Variants in ELOA observed in about 807,000 individuals in gnomAD.
ELOA encodes elongin-A.
A neutral mutation model predicts 85.2 loss-of-function variants in ELOA; 15 were observed. That is an observed-to-expected ratio of 0.18 (90% CI 0.12 to 0.27). The LOEUF (loss-of-function observed/expected upper bound fraction) is 0.27. Ranked by LOEUF, ELOA falls within the 10% of genes least tolerant of loss-of-function variation. The probability of loss-of-function intolerance (pLI) is 1.00; values close to 1 mark genes in which losing one functional copy is unlikely to be tolerated. For missense variants in ELOA, 769 were observed against 952.7 expected (o/e 0.81, Z 2.54); for synonymous variants, 348 against 357.2 (o/e 0.97, Z 0.29).
rs776554560 is a variant in ELOA at position 23,749,932 on chromosome 1, C to T, written c.223C>T (p.Leu75=). Reference sequence around the variant, plus strand: ...GGACCTAGTGGCCCAGTGGAAGAAGCTGGTTCCTGTGGAACGGTAAGAACA... The same window carrying T: ...GGACCTAGTGGCCCAGTGGAAGAAGTTGGTTCCTGTGGAACGGTAAGAACA... ...ARDLVAQWKK[L]VPVERNAEPD... The change falls in exon 3 of 11, where the codon CTG becomes TTG. Residue 75 remains leucine, a synonymous_variant. Coordinates refer to ENST00000613537, the MANE Select transcript of ELOA (RefSeq NM_003198.3). 9 of 1,613,590 alleles carry T rather than the reference C, an allele frequency of 5.6e-6. No individual in the cohort carries two copies. Among genetic ancestry groups the T allele is most frequent in the Non-Finnish European group, 7.6e-6 (9 of 1,179,676 alleles).
intron 1 of ELOA, 138 bp from the exon 2 acceptor site, chr1:23,748,883 T>C: frequency 4.9e-6 from 3 of 615,788 alleles, no homozygotes; most frequent in Non-Finnish European, 8.3e-6. Flanking sequence ...ACTTGTAAAA[T>C]AGGGATATTA....
In ELOA at chr1:23,749,823, T is replaced by C. The variant is rs917640010; in HGVS notation, c.133-19T>C. The C allele has an allele frequency of 5.6e-6, 9 of 1,611,746 alleles. No individual in the cohort carries two copies. Among genetic ancestry groups the C allele is most frequent in the Admixed American group, 3.3e-5 (2 of 59,836 alleles). On this transcript the variant is annotated intron_variant, in intron 2 of 10. Coordinates refer to ENST00000613537, the MANE Select transcript of ELOA (RefSeq NM_003198.3). Reference sequence around the variant, plus strand: ...GCCTAGTTCCAGACCCCTCTAACAATTACTTTGTCAAATTTTAGGAGACTG... The same window carrying C: ...GCCTAGTTCCAGACCCCTCTAACAACTACTTTGTCAAATTTTAGGAGACTG...
At chr1:23,745,486 A>T (rs1413299594) in intron 1 of ELOA, among the ~76,000 whole-genome samples, 1 of 151,042 alleles carries the variant, frequency 6.6e-6, no homozygotes, top group African/African-American at 2.4e-5. Context: ...GGCTTATTCC[A>T]CCTCAACCTA....
intron 3 of ELOA, 42 bp downstream of exon 3, chr1:23,749,990 A>G: frequency 1.3e-6 from 2 of 1,501,616 alleles, no homozygotes; most frequent in South Asian, 1.3e-5. Flanking sequence ...TTCATGGTTA[A>G]ATTTACAGAT....
Position 23,751,029 on chromosome 1 carries a change from C to G in ELOA, c.424C>G (p.Pro142Ala), listed in dbSNP as rs1339874604. The G allele has an allele frequency of 6.2e-7, 1 of 1,613,940 alleles. No homozygotes were observed. Among genetic ancestry groups the G allele is most frequent in the Non-Finnish European group, 8.5e-7 (1 of 1,180,022 alleles). Residue 142 changes from proline (P) to alanine (A), a missense_variant, in exon 4 of 11, where the codon CCT becomes GCT. Transcript: ENST00000613537. ...TAGGAAACTCTCGGAGCTCGAGAGA[C>G]CTCACAAAGTGTCTCACGGTCATGA... ...KHRKLSELER[P>A]HKVSHGHERR...
At chr1:23,750,786 CTT>C in intron 3 of ELOA, 57 bp from the exon 4 acceptor site, 1 of 1,459,648 alleles carries the variant, frequency 6.9e-7, no homozygotes, top group East Asian at 2.4e-5. Context: ...GATTCTGTGA[CTT>C]TGTCCCTCAA....
chr1:23,752,934 ACT>A (rs1255535671), intron 5 of ELOA, among the ~76,000 whole-genome samples: 2 of 151,364 alleles, frequency 1.3e-5, no homozygotes, highest in Non-Finnish European at 2.9e-5. Flanking sequence ...CAAGAGGGAA[ACT>A]CTATTTCAAA....
At position 23,760,202 on chromosome 1, in the gene ELOA, T is replaced by C. The variant is rs1638272590; in HGVS notation, c.*629T>C. ...CCTCCCCACTGTTGCTGTGCATTCC[T>C]GTGCAGGTGCATCTCTTTCTTACTA... On this transcript the variant is annotated 3_prime_UTR_variant, in exon 11 of 11. Coordinates refer to ENST00000613537, the MANE Select transcript of ELOA (RefSeq NM_003198.3). 6.6e-6 allele frequency: 1 copy of C among 152,346 alleles called. No individual in the cohort carries two copies. Among genetic ancestry groups the C allele is most frequent in the African/African-American group, 2.4e-5 (1 of 41,448 alleles). The allele number at this position is 152,346 out of a possible 1,614,324, so 9.4% of individuals were successfully genotyped here.
chr1:23,746,548 A>C (rs1193143630), intron 1 of ELOA, among the ~76,000 whole-genome samples: 3 of 144,920 alleles, frequency 2.1e-5, no homozygotes, highest in Non-Finnish European at 3.0e-5. Flanking sequence ...CGGAGGTTGC[A>C]GTGAGCCGAG....
chr1:23,749,775 C>A, intron 2 of ELOA, 67 bp from the exon 3 acceptor site: 1 of 1,397,582 alleles, frequency 7.2e-7, no homozygotes, highest in South Asian at 1.3e-5. Context: ...AGTAGAAAGC[C>A]TTATTTCTTT....
chr1:23,748,112 C>G (rs1162606002), intron 1 of ELOA, among the ~76,000 whole-genome samples: 1 of 152,150 alleles, frequency 6.6e-6, no homozygotes, highest in Non-Finnish European at 1.5e-5. Flanking sequence ...AAGGGCAGAA[C>G]GCTGAAAGCT....
chr1:23,750,024 C>A, intron 3 of ELOA, 76 bp downstream of exon 3: 1 of 1,199,594 alleles, frequency 8.3e-7, no homozygotes, highest in Non-Finnish European at 1.2e-6. Context: ...TTTATTATTT[C>A]TCTTTTGCCT....
At position 23,751,815 on chromosome 1, in the gene ELOA, A is replaced by G. The variant is rs774629892; in HGVS notation, c.1210A>G (p.Thr404Ala). Residue 404 changes from threonine (T) to alanine (A), a missense_variant, in exon 4 of 11, where the codon ACC becomes GCC. By Grantham distance (58) the Thr-to-Ala change is moderately conservative. This residue lies in a region of ELOA where 193 missense variants were observed against 278.9 expected (regional missense o/e 0.69). Transcript: ENST00000613537. ...TDMEDEFEQP[T>A]MSFESYLSYD... ...TATGGAGGATGAATTCGAGCAGCCA[A>G]CCATGTCTTTTGAATCCTACCTCAG... is the stretch of plus-strand genomic sequence containing the variant. 1.6e-5 allele frequency: 26 copies of G among 1,614,108 alleles called. No homozygotes were observed. The highest frequency in any genetic ancestry group is 2.0e-5 in the Non-Finnish European group (24 of 1,180,054).
chr1:23,753,271 C>G (rs1232162555), intron 5 of ELOA, among the ~76,000 whole-genome samples: 2 of 152,112 alleles, frequency 1.3e-5, no homozygotes. Flanking sequence ...GTTATATGAC[C>G]TTGAGAAATA....
At chr1:23,744,270 G>A (rs1462950005) in intron 1 of ELOA, 1 of 152,258 alleles carries the variant, frequency 6.6e-6, no homozygotes, top group Non-Finnish European at 1.5e-5. Flanking sequence ...TTAATAGGAA[G>A]GTAAGAGCTA....
At chr1:23,743,697 CTGGGGTCGTGA>C in intron 1 of ELOA, 119 bp downstream of exon 1, 2 of 1,228,682 alleles carry the variant, frequency 1.6e-6, no homozygotes, top group Non-Finnish European at 2.1e-6. Flanking sequence ...CCCCGCGGGG[CTGGGGTCGTGA>C]AGTTCGCGGC....
chr1:23,759,561 C>A lies in ELOA; in HGVS notation c.2307C>A (p.Phe769Leu). The A allele has an allele frequency of 6.2e-7, 1 of 1,614,206 alleles. No homozygotes were observed. Among genetic ancestry groups the A allele is most frequent in the Non-Finnish European group, 8.5e-7 (1 of 1,180,022 alleles). Residue 769 changes from phenylalanine (F) to leucine (L), a missense_variant, in exon 11 of 11, where the codon TTC becomes TTA. Physicochemically the swap from Phe to Leu is conservative, Grantham distance 22 (BLOSUM62 0). This residue lies in a region of ELOA where 116 missense variants were observed against 141.0 expected (regional missense o/e 0.82). Transcript: ENST00000613537. The part of the protein sequence containing the change: ...AKTIKAFKNR[F>L]SRR ...CAATTAAAGCTTTCAAGAACAGATTCTCCCGACGATAAACTGAGGACTTGC... is the reference window on the plus strand; with the variant it reads ...CAATTAAAGCTTTCAAGAACAGATTATCCCGACGATAAACTGAGGACTTGC...
At chr1:23,753,385 T>A (rs1644781272) in intron 5 of ELOA, among the ~76,000 whole-genome samples, 1 of 152,222 alleles carries the variant, frequency 6.6e-6, no homozygotes, top group African/African-American at 2.4e-5. Context: ...TGATGCCTTT[T>A]TGCTCTGGGT....
At chr1:23,744,104 A>G (rs1307802502) in intron 1 of ELOA, 3 of 152,442 alleles carry the variant, frequency 2.0e-5, no homozygotes, top group Admixed American at 2.0e-4. Flanking sequence ...CTCCGGCTGG[A>G]TATCAGAGCG....
Sources: gnomAD v4.1 joint callset for allele counts (sites outside exome capture counted in the v4.1 genomes callset) on GRCh38, gnomAD v4.1.1 for gene constraint, gnomAD v4.1.1 regional missense constraint, MANE v1.5 for transcripts, NCBI Gene and HGNC (gene_info 2026-07-23, HGNC 2026-07-21) for gene names.